The following ABCD2 variants were observed in gnomAD, a reference collection of about 807,000 sequenced individuals.
ABCD2 encodes the protein ATP binding cassette subfamily D member 2.
ABCD2 carries 36 observed loss-of-function variants against 70.9 expected under a neutral mutation model. The observed-to-expected ratio is 0.51, with a 90% CI of 0.39 to 0.67. ABCD2 has a LOEUF of 0.67. ABCD2 is among the 30% of genes least tolerant of loss of function. ABCD2 has a pLI of 0.00. For synonymous variants in ABCD2, 304 were observed against 306.9 expected (o/e 0.99, Z 0.10); for missense variants, 729 against 890.2 (o/e 0.82, Z 2.30).
rs1268356296 is a variant in ABCD2 at position 39,574,155 on chromosome 12, G to A, written c.1878-314C>T. Among the ~76,000 whole-genome samples the A allele has an allele frequency of 2.6e-5, 4 of 152,234 alleles. No individual in the cohort carries two copies. In the East Asian group the frequency reaches 7.7e-4, roughly 29 times the overall value. On this transcript the variant is annotated intron_variant, in intron 8 of 9. Coordinates refer to ENST00000308666, the MANE Select transcript of ABCD2 (RefSeq NM_005164.4). ...AGGTCACTGAGTACATTTTCCTGCA[G>A]AAAGCAGGTTCATTGTTGGTGAGAA... is the stretch of plus-strand genomic sequence containing the variant.
chr12:39,587,270 A>G (rs1033716799), intron 6 of ABCD2, among the ~76,000 whole-genome samples: 2 of 152,236 alleles, frequency 1.3e-5, no homozygotes, highest in African/African-American at 4.8e-5. Flanking sequence ...AGTGATTTCC[A>G]TGATATATTG....
At position 39,555,491 on chromosome 12, in the gene ABCD2, A is replaced by G. The variant is rs144009444; in HGVS notation, c.2004-1360T>C. Among the ~76,000 whole-genome samples the G allele has an allele frequency of 4.3e-3, 648 of 152,294 alleles. 3 individuals are homozygous for G. Among genetic ancestry groups the G allele is most frequent in the African/African-American group, 0.015 (607 of 41,552 alleles). On this transcript the variant is annotated intron_variant, in intron 9 of 9. Coordinates refer to ENST00000308666, the MANE Select transcript of ABCD2 (RefSeq NM_005164.4). ...AGTTCACAGTATCTGGTTACAGAAT[A>G]TTAATAAGAAAATAGTCATTGGAGT...
intron 9 of ABCD2, among the ~76,000 whole-genome samples, chr12:39,564,484 T>C (rs1941311584): frequency 2.0e-5 from 3 of 152,324 alleles, no homozygotes; most frequent in African/African-American, 2.4e-5. Flanking sequence ...TTGTTTGTTT[T>C]TTTCTTGTAA....
intron 8 of ABCD2, 51 bp from the exon 9 acceptor site, chr12:39,573,892 G>T (rs1555217621): frequency 1.9e-6 from 3 of 1,547,620 alleles, no homozygotes; most frequent in South Asian, 2.4e-5. Flanking sequence ...TGAACTATAA[G>T]TTTTTCTTTG....
chr12:39,600,469 T>C, intron 6 of ABCD2, 102 bp downstream of exon 6: 1 of 1,148,424 alleles, frequency 8.7e-7, no homozygotes, highest in South Asian at 2.0e-5. Context: ...TTTCTCTTAA[T>C]AAAAACATTC....
At chr12:39,559,062 T>C (rs1194133758) in intron 9 of ABCD2, among the ~76,000 whole-genome samples, 1 of 152,104 alleles carries the variant, frequency 6.6e-6, no homozygotes, top group Non-Finnish European at 1.5e-5. Flanking sequence ...TTATGGGACT[T>C]ATGGAATAGC....
At chr12:39,613,364 C>T (rs1277952014) in intron 2 of ABCD2, among the ~76,000 whole-genome samples, 1 of 60,134 alleles carries the variant, frequency 1.7e-5, no homozygotes, top group Non-Finnish European at 2.5e-5. Context: ...CCAGCCTGGG[C>T]GACAGAGCGA....
chr12:39,557,419 A>G (rs1211086092), intron 9 of ABCD2, among the ~76,000 whole-genome samples: 7 of 152,198 alleles, frequency 4.6e-5, no homozygotes, highest in Admixed American at 3.9e-4. Flanking sequence ...CTTATGTTTG[A>G]AAGGAAAGCA....
Position 39,552,712 on chromosome 12 carries a change from T to C in ABCD2, c.*1200A>G, listed in dbSNP as rs1941105096. The stretch of plus-strand genomic sequence containing the variant: ...TTGCACTTTGTACTTAATTTTCATT[T>C]CTTGTAAACAATAACCAAATAACAA... On this transcript the variant is annotated 3_prime_UTR_variant, in exon 10 of 10. Coordinates refer to ENST00000308666, the MANE Select transcript of ABCD2 (RefSeq NM_005164.4). The C allele has an allele frequency of 6.6e-6, 1 of 152,016 alleles. No homozygotes were observed. Among genetic ancestry groups the C allele is most frequent in the Non-Finnish European group, 1.5e-5 (1 of 67,898 alleles). 9.4% of individuals were successfully genotyped at this position (152,016 alleles called of 1,614,324 possible). A position where few individuals can be genotyped will look rare whatever the true frequency, so the allele number is the denominator to read the frequency against.
intron 7 of ABCD2, among the ~76,000 whole-genome samples, chr12:39,581,513 T>C (rs908680094): frequency 2.6e-5 from 4 of 152,154 alleles, no homozygotes; most frequent in African/African-American, 4.8e-5. Context: ...TAAAATACCA[T>C]CTGATTTAGA....
intron 6 of ABCD2, among the ~76,000 whole-genome samples, chr12:39,599,336 G>A (rs1164316980): frequency 2.0e-5 from 3 of 151,954 alleles, no homozygotes; most frequent in Admixed American, 6.6e-5. Flanking sequence ...ATAATTCTAC[G>A]CCTTCTAACC....
chr12:39,602,385 C>A (rs1321476351), intron 5 of ABCD2, among the ~76,000 whole-genome samples: 1 of 151,936 alleles, frequency 6.6e-6, no homozygotes, highest in Non-Finnish European at 1.5e-5. Context: ...AACTCCTGAC[C>A]TCAGGTGATC....
In ABCD2 at chr12:39,594,042, T is replaced by C. The variant is rs527830893; in HGVS notation, c.1646+6529A>G. ...TATGTTAAAATTGACTTAATTGCCA[T>C]GTACATCGAGGATTATGAGGACCTC... On this transcript the variant is annotated intron_variant, in intron 6 of 9. Coordinates refer to ENST00000308666, the MANE Select transcript of ABCD2 (RefSeq NM_005164.4). 2.6e-5 allele frequency among the ~76,000 whole-genome samples: 4 copies of C among 152,320 alleles called. No individual in the cohort carries two copies. The East Asian group carries it at 5.8e-4, about 22-fold the overall frequency.
intron 6 of ABCD2, among the ~76,000 whole-genome samples, chr12:39,596,392 G>T (rs2120687319): frequency 6.6e-6 from 1 of 151,760 alleles, no homozygotes; most frequent in African/African-American, 2.4e-5. Flanking sequence ...AAGATTATAT[G>T]CTAATTATTG....
chr12:39,556,325 TTGTAATCCCCATAAGCCCCATG>T (rs1382919892), intron 9 of ABCD2, among the ~76,000 whole-genome samples: 1 of 152,180 alleles, frequency 6.6e-6, no homozygotes, highest in African/African-American at 2.4e-5. Context: ...TCATTTTGAA[TTGTAATCCCCATAAGCCCCATG>T]TGTCAAGGAA....
chr12:39,616,981 T>C lies in ABCD2; in HGVS notation c.1120+7A>G, dbSNP rs972301222. 6.4e-7 allele frequency: 1 copy of C among 1,572,902 alleles called. No individual in the cohort carries two copies. Among genetic ancestry groups the C allele is most frequent in the East Asian group, 2.3e-5 (1 of 44,108 alleles). On this transcript the variant is annotated splice_region_variant and intron_variant, in intron 2 of 9. Coordinates refer to ENST00000308666, the MANE Select transcript of ABCD2 (RefSeq NM_005164.4). Reference sequence around the variant, plus strand: ...ATATATTTGAGATTAAGCATAAATGTCATTACCACCATCTGCAAAGCCAGT... The same window carrying C: ...ATATATTTGAGATTAAGCATAAATGCCATTACCACCATCTGCAAAGCCAGT...
intron 2 of ABCD2, 81 bp downstream of exon 2, chr12:39,616,907 A>G: frequency 7.8e-7 from 1 of 1,286,524 alleles, no homozygotes; most frequent in Non-Finnish European, 1.1e-6. Context: ...TACACAGTTT[A>G]GCTCACATAA....
intron 9 of ABCD2, among the ~76,000 whole-genome samples, chr12:39,572,237 C>CAG (rs1414884347): frequency 6.6e-6 from 1 of 152,136 alleles, no homozygotes; most frequent in African/African-American, 2.4e-5. Context: ...TAACACAGGT[C>CAG]AGAAAAACTC....
At chr12:39,565,030 A>G (rs969059844) in intron 9 of ABCD2, among the ~76,000 whole-genome samples, 8 of 152,140 alleles carry the variant, frequency 5.3e-5, no homozygotes, top group African/African-American at 1.9e-4. Flanking sequence ...TGTTTACTGT[A>G]GCCTTGTAGT....
Sources: allele counts gnomAD v4.1 joint callset (sites outside exome capture counted in the v4.1 genomes callset), GRCh38; gene constraint gnomAD v4.1.1; transcripts MANE v1.5; gene names NCBI Gene and HGNC (gene_info 2026-07-23, HGNC 2026-07-21).